The following GSE1 variants were observed in gnomAD, a reference collection of about 807,000 sequenced individuals.
GSE1 encodes genetic suppressor element 1.
A neutral mutation model predicts 112.6 loss-of-function variants in GSE1; 32 were observed. The ratio of observed to expected loss-of-function variants is 0.28; its 90% CI spans 0.21 to 0.38. The LOEUF is 0.38. Ranked by LOEUF, GSE1 falls within the 10% of genes least tolerant of loss-of-function variation. The pLI is 1.00. For missense variants in GSE1, 2,348 were observed against 1,699.2 expected (o/e 1.38, Z -6.71); for synonymous variants, 1,115 against 735.6 (o/e 1.52, Z -8.35).
intron 1 of GSE1, among the ~76,000 whole-genome samples, chr16:85,599,082 G>A (rs937483753): frequency 2.0e-5 from 3 of 152,214 alleles, no homozygotes; most frequent in Non-Finnish European, 2.9e-5. Context: ...TTCGTGCGCC[G>A]ATAGAAGTTG....
intron 1 of GSE1, among the ~76,000 whole-genome samples, chr16:85,563,589 G>A (rs1221442976): frequency 1.3e-5 from 2 of 152,184 alleles, no homozygotes; most frequent in Non-Finnish European, 2.9e-5. Context: ...CCCCATTCTG[G>A]AGCTCAGCCC....
intron 1 of GSE1, among the ~76,000 whole-genome samples, chr16:85,237,464 T>A (rs981815639): frequency 6.6e-6 from 1 of 152,070 alleles, no homozygotes; most frequent in Non-Finnish European, 1.5e-5. Context: ...GCTACAGTCC[T>A]GGGAGGGAGT....
At chr16:85,344,006 C>A (rs1009654100) in intron 1 of GSE1, among the ~76,000 whole-genome samples, 22 of 152,186 alleles carry the variant, frequency 1.4e-4, no homozygotes, top group African/African-American at 5.3e-4. Context: ...CACTATTCCC[C>A]CAGGAACATG....
chr16:85,486,723 G>A (rs943932621), intron 2 of GSE1, among the ~76,000 whole-genome samples: 3 of 152,072 alleles, frequency 2.0e-5, no homozygotes, highest in Non-Finnish European at 2.9e-5. Context: ...CTCCATGCCC[G>A]GGACGGAGCG....
chr16:85,207,479 G>C (rs562522030), intron 1 of GSE1, among the ~76,000 whole-genome samples: 2 of 152,258 alleles, frequency 1.3e-5, no homozygotes, highest in African/African-American at 4.8e-5. Flanking sequence ...CTGCAGCCCA[G>C]CTGGGAGAGG....
intron 14 of GSE1, 26 bp from the exon 15 acceptor site, chr16:85,670,969 T>C (rs756607738): frequency 4.2e-6 from 6 of 1,444,536 alleles, no homozygotes; most frequent in South Asian, 1.1e-5. Context: ...ATACGGAAAA[T>C]ACATCACCAT....
intron 1 of GSE1, among the ~76,000 whole-genome samples, chr16:85,224,682 T>C (rs1176100176): frequency 6.6e-6 from 1 of 152,140 alleles, no homozygotes; most frequent in African/African-American, 2.4e-5. Flanking sequence ...GGGGGGCACT[T>C]GGTTTGCAGA....
At chr16:85,359,449 ACTT>A (rs2047019564) in intron 2 of GSE1, 1 of 455,308 alleles carries the variant, frequency 2.2e-6, no homozygotes, top group African/African-American at 2.0e-5. Flanking sequence ...AGGCCCACCC[ACTT>A]CTTATCTGAG....
At chr16:85,449,040 G>A (rs565645860) in intron 2 of GSE1, among the ~76,000 whole-genome samples, 3 of 152,330 alleles carry the variant, frequency 2.0e-5, no homozygotes, top group East Asian at 3.9e-4. Flanking sequence ...CTCTGTCAAA[G>A]GCAGGTGGCC....
At position 85,187,641 on chromosome 16, in the gene GSE1, G is replaced by C. The variant is rs1200872949; in HGVS notation, c.2283+15834G>C. On this transcript the variant is annotated intron_variant, in intron 1 of 2. Coordinates refer to the GSE1 transcript ENST00000637419. ...CGGGAGATGGCGTGGTTTGGCTAAG[G>C]GTGTGCGGACATCAGGCCTCGCCCC... 2.6e-5 allele frequency among the ~76,000 whole-genome samples: 4 copies of C among 152,174 alleles called. No individual in the cohort carries two copies. The East Asian group carries it at 5.8e-4, about 22-fold the overall frequency.
chr16:85,227,499 C>T (rs1233205765), intron 1 of GSE1, among the ~76,000 whole-genome samples: 1 of 152,204 alleles, frequency 6.6e-6, no homozygotes, highest in Non-Finnish European at 1.5e-5. Flanking sequence ...AAGGGCGATC[C>T]AGGTAGCAGG....
chr16:85,482,012 C>T (rs370974651), intron 2 of GSE1, among the ~76,000 whole-genome samples: 8 of 152,358 alleles, frequency 5.3e-5, no homozygotes, highest in East Asian at 3.9e-4. Flanking sequence ...CCCTTGCAGG[C>T]GGGCCATCTG....
intron 1 of GSE1, among the ~76,000 whole-genome samples, chr16:85,178,576 C>A (rs1012110314): frequency 6.6e-6 from 1 of 152,068 alleles, no homozygotes; most frequent in Non-Finnish European, 1.5e-5. Flanking sequence ...AGGGTGAGAA[C>A]TGCTGACGGA....
chr16:85,311,022 G>C lies in GSE1; in HGVS notation c.2284-46441G>C, dbSNP rs564806289. Reference sequence around the variant, plus strand: ...TTTGAGGCTAAATATAAACCCAGCCGCCTTTCCGCGGCCGTCAGCAATGGC... The same window carrying C: ...TTTGAGGCTAAATATAAACCCAGCCCCCTTTCCGCGGCCGTCAGCAATGGC... On this transcript the variant is annotated intron_variant, in intron 1 of 2. Transcript: ENST00000637419. This position sits in a 1 kb window ranked among gnomAD's most constrained non-coding sequence, Gnocchi z 4.2. Among the ~76,000 whole-genome samples, 1 of 152,206 alleles carries C rather than the reference G, an allele frequency of 6.6e-6. No homozygotes were observed. Among genetic ancestry groups the C allele is most frequent in the Non-Finnish European group, 1.5e-5 (1 of 68,022 alleles).
intron 2 of GSE1, among the ~76,000 whole-genome samples, chr16:85,434,576 G>T (rs1486958755): frequency 6.6e-6 from 1 of 152,176 alleles, no homozygotes; most frequent in Admixed American, 6.5e-5. Flanking sequence ...CCAGCACTTG[G>T]GGAGGCTGAG....
intron 1 of GSE1, among the ~76,000 whole-genome samples, chr16:85,343,511 G>C (rs2046667717): frequency 6.6e-6 from 1 of 152,128 alleles, no homozygotes; most frequent in Non-Finnish European, 1.5e-5. Context: ...AATTTTGGGA[G>C]GTTGAAGCAG....
chr16:85,668,265 C>G lies in GSE1; in HGVS notation c.3256C>G (p.Pro1086Ala). Residue 1086 changes from proline (P) to alanine (A), a missense_variant, in exon 14 of 16, where the codon CCC becomes GCC. Transcript: ENST00000253458. ...PPQHNGQQEP[P>A]TARKGPPTQE... is the part of the protein sequence containing the mutation. ...CCAGCACAATGGGCAGCAGGAGCCC[C>G]CCACTGCAAGGAAGGGCCCCCCAAC... The G allele has an allele frequency of 6.2e-7, 1 of 1,612,618 alleles. No homozygotes were observed. The highest frequency in any genetic ancestry group is 8.5e-7 in the Non-Finnish European group (1 of 1,178,736).
chr16:85,494,192 G>C (rs537869050), intron 2 of GSE1, among the ~76,000 whole-genome samples: 16 of 152,270 alleles, frequency 1.1e-4, no homozygotes, highest in Admixed American at 5.2e-4. Flanking sequence ...CAAGTCTGAA[G>C]TCAAGGCATC....
At chr16:85,275,146 C>T (rs1909228541) in intron 1 of GSE1, among the ~76,000 whole-genome samples, 1 of 152,210 alleles carries the variant, frequency 6.6e-6, no homozygotes, top group Admixed American at 6.5e-5. Flanking sequence ...GTGCGGGCCC[C>T]ACCCCCAGAC....
Sources: allele counts gnomAD v4.1 joint callset (sites outside exome capture counted in the v4.1 genomes callset), GRCh38; gene constraint gnomAD v4.1.1; non-coding constraint Gnocchi (gnomAD v3.1); transcripts MANE v1.5; gene names NCBI Gene and HGNC (gene_info 2026-07-23, HGNC 2026-07-21).